Variants in TOR1AIP2 observed in about 807,000 individuals in gnomAD.
The protein encoded by TOR1AIP2 is torsin-1A-interacting protein 2.
TOR1AIP2 carries 20 observed loss-of-function variants against 32.6 expected under a neutral mutation model. That is an observed-to-expected ratio of 0.61 (90% CI 0.43 to 0.89). The LOEUF is 0.89. Ranked by LOEUF, TOR1AIP2 falls within the 40% of genes least tolerant of loss-of-function variation. The pLI, the probability that TOR1AIP2 is intolerant of heterozygous loss-of-function variation, is 0.00. For synonymous variants in TOR1AIP2, 214 were observed against 210.8 expected (o/e 1.02, Z -0.13); for missense variants, 456 against 553.8 (o/e 0.82, Z 1.77).
rs530221949 is a variant in TOR1AIP2 at position 179,841,707 on chromosome 1, T to C, written c.*4364A>G. 1 of 152,368 alleles carries C rather than the reference T, an allele frequency of 6.6e-6. No individual in the cohort carries two copies. The highest frequency in any genetic ancestry group is 2.1e-4 in the South Asian group (1 of 4,828). 9.4% of individuals were successfully genotyped at this position (152,368 alleles called of 1,614,324 possible). A position where few individuals can be genotyped will look rare whatever the true frequency, so the allele number is the denominator to read the frequency against. On this transcript the variant is annotated 3_prime_UTR_variant, in exon 7 of 7. Transcript: ENST00000609928. ...AAATGATTACCCTAATCAGCTATTA[T>C]TTATTATTTTCTATTTAACATTCAT...
intron 6 of TOR1AIP2, 72 bp from the exon 7 acceptor site, chr1:179,846,900 G>T (rs1452496596): frequency 3.4e-6 from 5 of 1,476,542 alleles, no homozygotes; most frequent in Non-Finnish European, 4.5e-6. Flanking sequence ...GTGGTAAACT[G>T]AAATGAGGCA....
chr1:179,867,059 G>T (rs943551660), intron 2 of TOR1AIP2, among the ~76,000 whole-genome samples: 1 of 152,122 alleles, frequency 6.6e-6, no homozygotes, highest in African/African-American at 2.4e-5. Context: ...TAAAGATCTG[G>T]CCTGAAAAAT....
At chr1:179,855,986 C>A (rs989117953) in intron 3 of TOR1AIP2, among the ~76,000 whole-genome samples, 1 of 151,994 alleles carries the variant, frequency 6.6e-6, no homozygotes, top group African/African-American at 2.4e-5. Flanking sequence ...TAAGACCAGC[C>A]TGGACAACAT....
intron 2 of TOR1AIP2, among the ~76,000 whole-genome samples, chr1:179,872,054 C>G (rs1697030880): frequency 2.0e-5 from 3 of 152,146 alleles, no homozygotes. Context: ...CACACTGTTC[C>G]CTCTTTAGAA....
rs1457867395 is a variant in TOR1AIP2 at position 179,844,118 on chromosome 1, CGCTA to C, written c.*1949_*1952del. 6.6e-6 allele frequency: 1 copy of C among 152,128 alleles called. No homozygotes were observed. The highest frequency in any genetic ancestry group is 1.5e-5 in the Non-Finnish European group (1 of 68,022). The allele number at this position is 152,128 out of a possible 1,614,324, so 9.4% of individuals were successfully genotyped here. A position where few individuals can be genotyped will look rare whatever the true frequency, so the allele number is the denominator to read the frequency against. On this transcript the variant is annotated 3_prime_UTR_variant, in exon 7 of 7. Coordinates refer to ENST00000609928, the MANE Select transcript of TOR1AIP2 (RefSeq NM_001199260.2). ...GGCAACACTGGTTTTGTGGATGTAA[CGCTA>C]GCATCTAAGATCTAAAAAGACAGAA...
At chr1:179,867,245 G>A (rs1174342657) in intron 2 of TOR1AIP2, among the ~76,000 whole-genome samples, 2 of 152,200 alleles carry the variant, frequency 1.3e-5, no homozygotes, top group Non-Finnish European at 2.9e-5. Flanking sequence ...GTGAAATAGA[G>A]TCAAGTAGAC....
At chr1:179,861,516 T>C in intron 3 of TOR1AIP2, 1 of 984,394 alleles carries the variant, frequency 1.0e-6, no homozygotes, top group Non-Finnish European at 1.2e-6. Flanking sequence ...TTAATATTTT[T>C]GATTCATTTT....
At chr1:179,871,745 TAATCAA>T (rs1460297322) in intron 2 of TOR1AIP2, among the ~76,000 whole-genome samples, 3 of 152,230 alleles carry the variant, frequency 2.0e-5, no homozygotes, top group Non-Finnish European at 4.4e-5. Context: ...CAGTCAAGGC[TAATCAA>T]TAATCATAAC....
chr1:179,848,354 G>A (rs1470949961), intron 5 of TOR1AIP2, among the ~76,000 whole-genome samples: 2 of 152,164 alleles, frequency 1.3e-5, no homozygotes, highest in Non-Finnish European at 2.9e-5. Context: ...GGTTCCTCAA[G>A]ACCCCGAATA....
chr1:179,846,540 A>G lies in TOR1AIP2; in HGVS notation c.944T>C (p.Val315Ala), dbSNP rs891743799. The G allele has an allele frequency of 2.5e-6, 4 of 1,614,182 alleles. No individual in the cohort carries two copies. Among genetic ancestry groups the G allele is most frequent in the Non-Finnish European group, 3.4e-6 (4 of 1,180,026 alleles). ...RETLKCLSHH[V>A]ADAYTSSQKV... ...CTGGGAAGAGGTGTAGGCATCTGCAACATGGTGGCTCAGGCACTTCAGGGT... is the reference window on the plus strand; with the variant it reads ...CTGGGAAGAGGTGTAGGCATCTGCAGCATGGTGGCTCAGGCACTTCAGGGT... Residue 315 changes from valine (V) to alanine (A), a missense_variant, in exon 7 of 7, where the codon GTT (valine) becomes GCT (alanine). Coordinates refer to ENST00000609928, the MANE Select transcript of TOR1AIP2 (RefSeq NM_001199260.2).
chr1:179,844,793 G>A lies in TOR1AIP2; in HGVS notation c.*1278C>T, dbSNP rs747591786. 2.0e-5 allele frequency: 3 copies of A among 152,048 alleles called. No homozygotes were observed. Among genetic ancestry groups the A allele is most frequent in the Non-Finnish European group, 2.9e-5 (2 of 67,996 alleles). 9.4% of individuals were successfully genotyped at this position (152,048 alleles called of 1,614,324 possible). ...CTGCATTACATAATGTTCCATCACT[G>A]CATAGAAATAAACTGGTAAAGTTAT... On this transcript the variant is annotated 3_prime_UTR_variant, in exon 7 of 7. Transcript: ENST00000609928.
At position 179,858,466 on chromosome 1, in the gene TOR1AIP2, A is replaced by G. The variant is rs78559512; in HGVS notation, c.-146-5655T>C. On this transcript the variant is annotated intron_variant, in intron 3 of 6. Transcript: ENST00000609928. ...AAAAACATCTGAGGTAAATGGGATA[A>G]AATGTTCATATATTTTAGATCTGGG... 8.3e-3 allele frequency among the ~76,000 whole-genome samples: 1,270 copies of G among 152,290 alleles called. 20 individuals carry two copies. The highest frequency in any genetic ancestry group is 0.03 in the African/African-American group (1,234 of 41,554).
At chr1:179,861,183 G>A (rs990825635) in intron 3 of TOR1AIP2, 23 of 985,242 alleles carry the variant, frequency 2.3e-5, no homozygotes, top group South Asian at 4.7e-5. Flanking sequence ...AAATAGAGAC[G>A]AGTGTAGCTC....
At chr1:179,875,189 G>C (rs1308588912) in intron 2 of TOR1AIP2, 1 of 152,208 alleles carries the variant, frequency 6.6e-6, no homozygotes, top group African/African-American at 2.4e-5. Flanking sequence ...TTTTAGTAGG[G>C]ACAGGGTTTC....
intron 3 of TOR1AIP2, chr1:179,864,704 A>C: frequency 6.6e-7 from 1 of 1,506,964 alleles, no homozygotes; most frequent in Non-Finnish European, 8.8e-7. Context: ...CAGACTTAGA[A>C]ATGAATTATT....
intron 2 of TOR1AIP2, chr1:179,874,870 T>C (rs1375770633): frequency 6.6e-6 from 1 of 152,240 alleles, no homozygotes; most frequent in African/African-American, 2.4e-5. Context: ...CTAACATCCA[T>C]AAAGCAAATC....
At chr1:179,875,995 T>C (rs1010916128) in intron 2 of TOR1AIP2, 2 of 152,202 alleles carry the variant, frequency 1.3e-5, no homozygotes, top group African/African-American at 4.8e-5. Flanking sequence ...AAATTCTAAA[T>C]GGTAAATAAA....
chr1:179,853,452 G>A (rs1696188565), intron 3 of TOR1AIP2, among the ~76,000 whole-genome samples: 3 of 152,054 alleles, frequency 2.0e-5, no homozygotes. Flanking sequence ...CAAAATCAAA[G>A]GCACTTTATA....
rs1294460628 is a variant in TOR1AIP2, at chr1:179,841,672, C to CTGA, written c.*4396_*4398dup. On this transcript the variant is annotated 3_prime_UTR_variant, in exon 7 of 7. Transcript: ENST00000609928. ...AAATTTTATGGATATAATCTTTATT[C>CTGA]TGATTAAATAAATGATTACCCTAAT... is the stretch of plus-strand genomic sequence containing the variant. 4.6e-5 allele frequency: 7 copies of CTGA among 152,126 alleles called. No homozygotes were observed. Among genetic ancestry groups the CTGA allele is most frequent in the Non-Finnish European group, 1.0e-4 (7 of 68,030 alleles). The allele number at this position is 152,126 out of a possible 1,614,324, so 9.4% of individuals were successfully genotyped here. A position where few individuals can be genotyped will look rare whatever the true frequency, so the allele number is the denominator to read the frequency against.
Sources: allele counts gnomAD v4.1 joint callset (sites outside exome capture counted in the v4.1 genomes callset), GRCh38; gene constraint gnomAD v4.1.1; transcripts MANE v1.5; gene names NCBI Gene and HGNC (gene_info 2026-07-23, HGNC 2026-07-21).